NTRK2: variants seen among roughly 807,000 people sequenced by gnomAD.
NTRK2 encodes the protein neurotrophic receptor tyrosine kinase 2, also known as BDNF/NT-3 growth factors receptor.
A neutral mutation model predicts 94.5 loss-of-function variants in NTRK2; 13 were observed. That is an observed-to-expected ratio of 0.14 (90% CI 0.09 to 0.22). The LOEUF (loss-of-function observed/expected upper bound fraction) is 0.22. Ranked by LOEUF, NTRK2 falls within the 10% of genes least tolerant of loss-of-function variation. The probability of loss-of-function intolerance (pLI) is 1.00; values close to 1 mark genes in which losing one functional copy is unlikely to be tolerated. For missense variants in NTRK2, 639 were observed against 1,071.2 expected, an observed-to-expected ratio of 0.60 and a Z score of 5.63; for synonymous variants, 372 against 407.4, an observed-to-expected ratio of 0.91 and a Z score of 1.05.
chr9:84,746,145 G>T (rs1483080351), intron 11 of NTRK2, among the ~76,000 whole-genome samples: 1 of 152,106 alleles, frequency 6.6e-6, no homozygotes, highest in Non-Finnish European at 1.5e-5. Context: ...TGGTTTTCAG[G>T]CTAAGAATGG....
intron 2 of NTRK2, among the ~76,000 whole-genome samples, chr9:84,684,031 C>A (rs1187346): frequency 0.59 from 89,622 of 151,634 alleles, 26,654 homozygotes; most frequent in Admixed American, 0.67. Context: ...CCTTTGCCCA[C>A]TTTTTTTATG....
intron 4 of NTRK2, among the ~76,000 whole-genome samples, chr9:84,704,008 A>C (rs745329619): frequency 1.6e-4 from 25 of 152,150 alleles, no homozygotes; most frequent in Non-Finnish European, 2.6e-4. Context: ...CTTAGACCCA[A>C]ATTACTCAAC....
intron 2 of NTRK2, among the ~76,000 whole-genome samples, chr9:84,679,737 A>G (rs77617768): frequency 6.6e-6 from 1 of 152,130 alleles, no homozygotes; most frequent in African/African-American, 2.4e-5. Context: ...CCTTCACTCC[A>G]GGGGCAAACA....
At chr9:84,682,478 G>A (rs1385029258) in intron 2 of NTRK2, among the ~76,000 whole-genome samples, 4 of 152,250 alleles carry the variant, frequency 2.6e-5, no homozygotes, top group African/African-American at 7.2e-5. Flanking sequence ...CTGAGGGGCT[G>A]TCAGGTTTAT....
chr9:84,877,057 C>G (rs1431371377), intron 14 of NTRK2: 1 of 1,063,330 alleles, frequency 9.4e-7, no homozygotes, highest in African/African-American at 1.6e-5. Context: ...GAGACAGTGG[C>G]CAAGTAGCAG....
chr9:84,865,902 G>A (rs565301764), intron 13 of NTRK2, among the ~76,000 whole-genome samples: 20 of 152,306 alleles, frequency 1.3e-4, no homozygotes, highest in South Asian at 1.2e-3. Context: ...AAGCTTTCAC[G>A]TAGACCTTTA....
intron 12 of NTRK2, among the ~76,000 whole-genome samples, chr9:84,830,430 G>A (rs780520829): frequency 7.9e-5 from 12 of 152,064 alleles, no homozygotes; most frequent in Non-Finnish European, 1.5e-4. Context: ...TTAGAAACTG[G>A]CACAGGTTTG....
chr9:84,957,990 C>T (rs908932492), intron 17 of NTRK2, among the ~76,000 whole-genome samples: 4 of 152,142 alleles, frequency 2.6e-5, no homozygotes, highest in African/African-American at 9.7e-5. Context: ...AAGTCAGACA[C>T]AAAAGGCCAC....
At chr9:84,944,215 T>TCTCTCTCACACACACA (rs1440338055) in intron 15 of NTRK2, among the ~76,000 whole-genome samples, 6 of 120,332 alleles carry the variant, frequency 5.0e-5, no homozygotes, top group African/African-American at 1.3e-4. Flanking sequence ...TCTCTCTCTC[T>TCTCTCTCACACACACA]CACACACACA....
At chr9:84,987,564 G>A (rs1828480284) in intron 17 of NTRK2, among the ~76,000 whole-genome samples, 1 of 152,156 alleles carries the variant, frequency 6.6e-6, no homozygotes, top group Non-Finnish European at 1.5e-5. Flanking sequence ...TCAAATGGTA[G>A]TGAAGCATTA....
intron 14 of NTRK2, among the ~76,000 whole-genome samples, chr9:84,909,812 A>G (rs761241023): frequency 1.3e-5 from 2 of 151,920 alleles, no homozygotes; most frequent in Non-Finnish European, 2.9e-5. Flanking sequence ...AGAGTTCTTT[A>G]TGTATTCTAG....
intron 14 of NTRK2, among the ~76,000 whole-genome samples, chr9:84,895,026 A>G (rs182133891): frequency 6.6e-6 from 1 of 152,330 alleles, no homozygotes; most frequent in East Asian, 1.9e-4. Flanking sequence ...CTGAAACAAT[A>G]ACCTATACAG....
At chr9:84,912,912 G>A (rs991247838) in intron 14 of NTRK2, among the ~76,000 whole-genome samples, 32 of 152,002 alleles carry the variant, frequency 2.1e-4, no homozygotes, top group African/African-American at 6.5e-4. Context: ...CACTGCACCC[G>A]GCCTAACCTG....
At chr9:85,000,390 C>T (rs2133398312) in intron 17 of NTRK2, among the ~76,000 whole-genome samples, 1 of 152,236 alleles carries the variant, frequency 6.6e-6, no homozygotes, top group Non-Finnish European at 1.5e-5. Context: ...CCGTGTGTCT[C>T]CTATTCATCC....
intron 5 of NTRK2, among the ~76,000 whole-genome samples, chr9:84,708,505 T>A (rs2061244120): frequency 1.3e-5 from 2 of 152,244 alleles, no homozygotes; most frequent in African/African-American, 4.8e-5. Flanking sequence ...AAGGTGTTGA[T>A]GACTAACAGC....
At chr9:84,825,391 A>C (rs1348091032) in intron 12 of NTRK2, among the ~76,000 whole-genome samples, 1 of 151,994 alleles carries the variant, frequency 6.6e-6, no homozygotes, top group African/African-American at 2.4e-5. Context: ...AGTTCAGGAC[A>C]TTGTCACTCC....
chr9:84,916,340 G>A (rs557539946), intron 14 of NTRK2, among the ~76,000 whole-genome samples: 6 of 152,228 alleles, frequency 3.9e-5, no homozygotes, highest in Admixed American at 2.6e-4. Context: ...TATAGTTTAG[G>A]AAACTAGAGG....
At chr9:84,876,005 A>G (rs2076052079) in intron 14 of NTRK2, 2 of 1,031,590 alleles carry the variant, frequency 1.9e-6, no homozygotes, top group East Asian at 6.0e-5. Context: ...AAACAATAAT[A>G]TAATCCTAGT....
chr9:84,718,255 C>A (rs1265555383), intron 6 of NTRK2, among the ~76,000 whole-genome samples: 1 of 152,168 alleles, frequency 6.6e-6, no homozygotes, highest in African/African-American at 2.4e-5. Flanking sequence ...AAATCCCTGT[C>A]CTTCCAAGTG....
Sources: allele counts gnomAD v4.1 joint callset (sites outside exome capture counted in the v4.1 genomes callset), GRCh38; gene constraint gnomAD v4.1.1; transcripts MANE v1.5; gene names NCBI Gene and HGNC (gene_info 2026-07-23, HGNC 2026-07-21).